The following PLEKHA6 variants were observed in gnomAD, a reference collection of about 807,000 sequenced individuals.
PLEKHA6 encodes pleckstrin homology domain-containing family A member 6.
PLEKHA6 carries 60 observed loss-of-function variants against 116.7 expected under a neutral mutation model. The observed-to-expected ratio is 0.51, with a 90% CI of 0.42 to 0.64. The LOEUF is 0.64. PLEKHA6 is among the 30% of genes least tolerant of loss of function. The pLI is 0.00. For synonymous variants in PLEKHA6, 489 were observed against 556.1 expected (o/e 0.88, Z 1.70); for missense variants, 1,338 against 1,422.7 (o/e 0.94, Z 0.96).
intron 18 of PLEKHA6, among the ~76,000 whole-genome samples, chr1:204,230,077 G>A (rs551989715): frequency 6.6e-6 from 1 of 152,392 alleles, no homozygotes; most frequent in East Asian, 1.9e-4. Context: ...TAGGCACAGA[G>A]GAGATGCTCC....
chr1:204,326,000 C>T (rs1572183496), intron 1 of PLEKHA6: 1 of 641,070 alleles, frequency 1.6e-6, no homozygotes, highest in African/African-American at 2.0e-5. Context: ...CATTCCTCAC[C>T]CTGCCCAGCC....
chr1:204,360,164 G>C (rs983818745), upstream of PLEKHA6, among the ~76,000 whole-genome samples: 1 of 152,230 alleles, frequency 6.6e-6, no homozygotes, highest in African/African-American at 2.4e-5. Context: ...GCCCCCCAAA[G>C]GGGAGCAGGG....
intron 1 of PLEKHA6, among the ~76,000 whole-genome samples, chr1:204,343,037 C>T (rs1215501258): frequency 6.6e-6 from 1 of 152,136 alleles, no homozygotes; most frequent in Non-Finnish European, 1.5e-5. Context: ...TCCCCTTGAC[C>T]CTGACCTTCC....
At chr1:204,315,514 G>C (rs1361573472) in intron 1 of PLEKHA6, among the ~76,000 whole-genome samples, 1 of 152,316 alleles carries the variant, frequency 6.6e-6, no homozygotes, top group Middle Eastern at 3.4e-3. Context: ...CCCAGGGGAA[G>C]GCAGGTGGAC....
At chr1:204,275,944 C>G (rs1488351841) in intron 1 of PLEKHA6, 1 of 152,460 alleles carries the variant, frequency 6.6e-6, no homozygotes, top group Non-Finnish European at 1.5e-5. Flanking sequence ...AGCACACCCA[C>G]AGCAAAGAGC....
In PLEKHA6 at chr1:204,259,571, G is replaced by T. The variant is rs1458747896; in HGVS notation, c.694C>A (p.Pro232Thr). The change falls in exon 8 of 23, where the codon CCT becomes ACT. Residue 232 changes from proline (P) to threonine (T), a missense_variant. Transcript: ENST00000272203. The surrounding 1 kb of genome is among the most constrained non-coding windows in gnomAD (Gnocchi z 4.6). ...RPERPEVKKE[P>T]PVKANGLPAG... ...GGGAGGCCATTGGCTTTCACCGGAG[G>T]CTCTTTCTTGACTTCTGGCCTCTCA... The T allele has an allele frequency of 2.5e-6, 4 of 1,614,052 alleles. No individual in the cohort carries two copies. The South Asian group carries it at 4.4e-5, about 18-fold the overall frequency.
rs142067752 is a variant in PLEKHA6 at position 204,242,335 on chromosome 1, T to C, written c.2173-521A>G. On this transcript the variant is annotated intron_variant, in intron 15 of 22. Transcript: ENST00000272203. The stretch of plus-strand genomic sequence containing the variant: ...TACAGTTGAAGAATCTAAGCCTCAG[T>C]GAGAAGAATACAAAAAGAAGACCAG... Among the ~76,000 whole-genome samples the C allele has an allele frequency of 3.8e-4, 58 of 152,228 alleles. 1 individual carries two copies. The East Asian group carries it at 0.011, about 28-fold the overall frequency.
At chr1:204,354,357 A>G (rs1673362037) in intron 1 of PLEKHA6, among the ~76,000 whole-genome samples, 1 of 152,200 alleles carries the variant, frequency 6.6e-6, no homozygotes, top group Non-Finnish European at 1.5e-5. Context: ...GTGAGGACCA[A>G]TCCTTTACAG....
intron 1 of PLEKHA6, among the ~76,000 whole-genome samples, chr1:204,331,841 C>T (rs1672463419): frequency 6.6e-6 from 1 of 151,748 alleles, no homozygotes; most frequent in Non-Finnish European, 1.5e-5. Flanking sequence ...CCCAAAGCCC[C>T]ATGCCCCTAG....
At chr1:204,317,158 A>C in intron 1 of PLEKHA6, 2 of 693,814 alleles carry the variant, frequency 2.9e-6, no homozygotes, top group Non-Finnish European at 3.5e-6. Flanking sequence ...GGTAAATATA[A>C]AAATGTCTCA....
chr1:204,287,294 C>T (rs1187297265), intron 1 of PLEKHA6, among the ~76,000 whole-genome samples: 1 of 150,644 alleles, frequency 6.6e-6, no homozygotes, highest in African/African-American at 2.4e-5. Context: ...GAGATAGCAT[C>T]AGCTGAGAAA....
intron 15 of PLEKHA6, among the ~76,000 whole-genome samples, chr1:204,243,463 T>G (rs1353530731): frequency 6.6e-6 from 1 of 152,168 alleles, no homozygotes; most frequent in Admixed American, 6.5e-5. Flanking sequence ...AAGGCCTTCC[T>G]TGACCCAGCC....
intron 8 of PLEKHA6, among the ~76,000 whole-genome samples, chr1:204,258,506 C>G (rs1665656096): frequency 6.6e-6 from 1 of 152,216 alleles, no homozygotes; most frequent in African/African-American, 2.4e-5. Context: ...CTCCCCAGAG[C>G]AGGCCTGATG....
chr1:204,244,388 G>A (rs1047614018), intron 15 of PLEKHA6, among the ~76,000 whole-genome samples: 5 of 150,116 alleles, frequency 3.3e-5, no homozygotes, highest in Admixed American at 6.7e-5. Context: ...CGATCCACCC[G>A]CCTTGGCCTC....
intron 1 of PLEKHA6, among the ~76,000 whole-genome samples, chr1:204,276,437 G>A (rs888062413): frequency 6.6e-6 from 1 of 152,120 alleles, no homozygotes; most frequent in Admixed American, 6.5e-5. Context: ...CGTTACTCTT[G>A]TCTGCCCCTA....
At chr1:204,362,062 A>T (rs936395719), upstream of PLEKHA6, among the ~76,000 whole-genome samples, 1 of 152,110 alleles carries the variant, frequency 6.6e-6, no homozygotes, top group Non-Finnish European at 1.5e-5. Flanking sequence ...TTTCTGGGGG[A>T]TCTGAGTAGC....
intron 3 of PLEKHA6, among the ~76,000 whole-genome samples, chr1:204,269,941 C>A (rs1048793892): frequency 1.3e-5 from 2 of 152,194 alleles, no homozygotes; most frequent in Non-Finnish European, 2.9e-5. Context: ...CTTCAATACA[C>A]CCAATGTCCA....
intron 1 of PLEKHA6, chr1:204,311,708 T>G (rs16853272): frequency 1.1e-6 from 1 of 931,610 alleles, no homozygotes; most frequent in Non-Finnish European, 1.3e-6. Flanking sequence ...AAATATTTAT[T>G]GAATGAAATT....
At chr1:204,229,223 T>TC (rs1206950878) in intron 18 of PLEKHA6, 119 bp from the exon 19 acceptor site, 1 of 935,280 alleles carries the variant, frequency 1.1e-6, no homozygotes, top group African/African-American at 1.6e-5. Flanking sequence ...ACCCCACTGC[T>TC]CCCACCATAC....
Sources: gnomAD v4.1 joint callset for allele counts (sites outside exome capture counted in the v4.1 genomes callset) on GRCh38, gnomAD v4.1.1 for gene constraint, Gnocchi (gnomAD v3.1) non-coding constraint, MANE v1.5 for transcripts, NCBI Gene and HGNC (gene_info 2026-07-23, HGNC 2026-07-21) for gene names.